Variants in VPS13B observed in about 807,000 individuals in gnomAD.
VPS13B encodes intermembrane lipid transfer protein VPS13B.
VPS13B carries 285 observed loss-of-function variants against 426.4 expected under a neutral mutation model. The ratio of observed to expected loss-of-function variants is 0.67; its 90% CI spans 0.61 to 0.74. The LOEUF (loss-of-function observed/expected upper bound fraction) is 0.74, where lower values mean the gene tolerates loss of function less well. VPS13B is among the 30% of genes least tolerant of loss of function. VPS13B has a pLI of 0.00. For synonymous variants in VPS13B, 1,676 were observed against 1,676.4 expected, an observed-to-expected ratio of 1.00 and a Z score of 0.01; for missense variants, 4,537 against 4,782.6, an observed-to-expected ratio of 0.95 and a Z score of 1.51.
At chr8:99,411,909 A>G (rs1302182442) in intron 21 of VPS13B, among the ~76,000 whole-genome samples, 5 of 152,054 alleles carry the variant, frequency 3.3e-5, no homozygotes, top group Non-Finnish European at 2.9e-5. Flanking sequence ...ATTGGTCTAT[A>G]TATCAGTTTT....
At chr8:99,616,855 G>A (rs945874591) in intron 33 of VPS13B, among the ~76,000 whole-genome samples, 2 of 152,110 alleles carry the variant, frequency 1.3e-5, no homozygotes, top group African/African-American at 2.4e-5. Context: ...AGAAAACTGG[G>A]AATAATAACT....
rs191127705 is a variant in VPS13B at position 99,799,908 on chromosome 8, G to A, written c.7942-9467G>A. ...ACTCCCAGAATATTTATTCAAATCC[G>A]AATGACTAACAGACAGCCTCTCCAA... On this transcript the variant is annotated intron_variant, in intron 43 of 61. Coordinates refer to ENST00000357162, the MANE Select transcript of VPS13B (RefSeq NM_152564.5). Among the ~76,000 whole-genome samples the A allele has an allele frequency of 1.3e-3, 194 of 152,190 alleles. 1 individual carries two copies. The highest frequency in any genetic ancestry group is 6.7e-3 in the Admixed American group (102 of 15,276).
At chr8:99,131,297 T>A (rs1224785298) in intron 8 of VPS13B, among the ~76,000 whole-genome samples, 2 of 152,208 alleles carry the variant, frequency 1.3e-5, no homozygotes, top group East Asian at 3.8e-4. Flanking sequence ...TTAATTGAAT[T>A]TCATGATATG....
intron 35 of VPS13B, among the ~76,000 whole-genome samples, chr8:99,673,116 TTTCATA>T (rs1830786397): frequency 6.6e-6 from 1 of 152,104 alleles, no homozygotes; most frequent in Non-Finnish European, 1.5e-5. Context: ...TTTGTCTGGT[TTTCATA>T]TCAGGCTAAT....
chr8:99,109,506 C>T (rs1176206361), intron 5 of VPS13B, among the ~76,000 whole-genome samples: 1 of 151,834 alleles, frequency 6.6e-6, no homozygotes, highest in African/African-American at 2.4e-5. Context: ...CCTCAGTCAC[C>T]TGAGTAGCTG....
intron 2 of VPS13B, among the ~76,000 whole-genome samples, chr8:99,029,169 C>G (rs1842358566): frequency 6.7e-6 from 1 of 149,392 alleles, no homozygotes; most frequent in Non-Finnish European, 1.5e-5. Flanking sequence ...CTCCCCACAT[C>G]TCAGACGATG....
chr8:99,397,063 G>A (rs577200479), intron 21 of VPS13B, among the ~76,000 whole-genome samples: 2 of 152,100 alleles, frequency 1.3e-5, no homozygotes, highest in South Asian at 2.1e-4. Context: ...ATAATAAAAG[G>A]CTTTAGATTA....
intron 43 of VPS13B, among the ~76,000 whole-genome samples, chr8:99,795,037 G>A (rs1213650906): frequency 6.6e-6 from 1 of 152,108 alleles, no homozygotes; most frequent in Non-Finnish European, 1.5e-5. Flanking sequence ...CTTGATTTTA[G>A]CATCATTTGC....
At chr8:99,855,445 C>G (rs976208815) in intron 56 of VPS13B, among the ~76,000 whole-genome samples, 4 of 152,114 alleles carry the variant, frequency 2.6e-5, no homozygotes, top group African/African-American at 7.2e-5. Flanking sequence ...ATCGGCATCA[C>G]AGTGTGTGTT....
At chr8:99,222,459 G>T (rs1250086683) in intron 17 of VPS13B, among the ~76,000 whole-genome samples, 1 of 152,128 alleles carries the variant, frequency 6.6e-6, no homozygotes, top group African/African-American at 2.4e-5. Flanking sequence ...TTGGTAATTG[G>T]TGGCTACTGT....
intron 31 of VPS13B, among the ~76,000 whole-genome samples, chr8:99,560,489 G>A (rs1010796708): frequency 3.9e-5 from 6 of 152,030 alleles, no homozygotes; most frequent in Admixed American, 3.3e-4. Context: ...AGAGATCATC[G>A]CCATCATGTT....
chr8:99,067,751 C>G (rs1262471799), intron 3 of VPS13B, among the ~76,000 whole-genome samples: 2 of 152,200 alleles, frequency 1.3e-5, no homozygotes, highest in East Asian at 1.9e-4. Context: ...TTAACCTTTA[C>G]TTCAATTCCT....
intron 39 of VPS13B, among the ~76,000 whole-genome samples, chr8:99,736,236 G>A (rs1588667051): frequency 6.6e-6 from 1 of 152,276 alleles, no homozygotes; most frequent in South Asian, 2.1e-4. Context: ...AGAGAGTTGA[G>A]TGCTAAGATT....
At chr8:99,186,421 T>A (rs528993444) in intron 16 of VPS13B, among the ~76,000 whole-genome samples, 3 of 152,098 alleles carry the variant, frequency 2.0e-5, no homozygotes, top group South Asian at 2.1e-4. Flanking sequence ...CTTTAAAAAA[T>A]TTTTTGAGGT....
Position 99,717,574 on chromosome 8 carries a change from GTT to G in VPS13B, c.6657+206_6657+207del, listed in dbSNP as rs778552937. Among the ~76,000 whole-genome samples, 4 of 152,148 alleles carry G rather than the reference GTT, an allele frequency of 2.6e-5. No homozygotes were observed. The East Asian group carries it at 5.8e-4, about 22-fold the overall frequency. On this transcript the variant is annotated intron_variant, in intron 37 of 61. Transcript: ENST00000357162. ...CCTATTTCAAGTATACAATTCAGTG[GTT>G]TTTTAGCATATTCAGAGTTGCACAA...
At position 99,871,575 on chromosome 8, in the gene VPS13B, G is replaced by A. The variant is rs765012695; in HGVS notation, c.11623G>A (p.Val3875Ile). ...ATCAGAAGTGCTCTTCGTGGTGAGTGTCAGTGAGGACACACAGCAGCAGGC... is the reference window on the plus strand; with the variant it reads ...ATCAGAAGTGCTCTTCGTGGTGAGTATCAGTGAGGACACACAGCAGCAGGC... ...LTSEVLFVVS[V>I]SEDTQQQAFP... The change falls in exon 61 of 62, where the codon GTC becomes ATC. Residue 3875 changes from valine to isoleucine, a missense_variant. Val to Ile is a conservative substitution (Grantham distance 29, BLOSUM62 3). Around this residue, in one of 2 missense-constraint regions of VPS13B, gnomAD observed 4,311 missense variants for 4,474.3 expected, o/e 0.96. Coordinates refer to ENST00000357162, the MANE Select transcript of VPS13B (RefSeq NM_152564.5). The A allele has an allele frequency of 2.4e-5, 38 of 1,614,104 alleles. No homozygotes were observed. Among genetic ancestry groups the A allele is most frequent in the East Asian group, 1.8e-4 (8 of 44,890 alleles).
chr8:99,828,729 C>T (rs1393464372), intron 51 of VPS13B, among the ~76,000 whole-genome samples: 1 of 152,052 alleles, frequency 6.6e-6, no homozygotes, highest in Non-Finnish European at 1.5e-5. Flanking sequence ...TTTGCAGTGA[C>T]TGGTACCAGT....
Position 99,192,934 on chromosome 8 carries a change from A to G in VPS13B, c.2392A>G (p.Ile798Val), listed in dbSNP as rs772246008. ...EGIFELPNLT[I>V]QATRAQTLLL... ...TATATTTGAACTTCCAAATCTCACA[A>G]TTCAAGCTACAAGAGCACAGACACT... Residue 798 changes from isoleucine to valine, a missense_variant, in exon 17 of 62, where the codon ATT (isoleucine) becomes GTT (valine). Physicochemically the swap from Ile to Val is conservative, Grantham distance 29. Transcript: ENST00000357162. The G allele has an allele frequency of 1.1e-5, 17 of 1,613,672 alleles. No individual in the cohort carries two copies. Among genetic ancestry groups the G allele is most frequent in the African/African-American group, 2.7e-5 (2 of 75,040 alleles).
rs770788256 is a variant in VPS13B at position 99,481,659 on chromosome 8, A to G, written c.3727A>G (p.Arg1243Gly). Residue 1243 changes from arginine to glycine, a missense_variant, in exon 25 of 62, where the codon AGA becomes GGA. Physicochemically the swap from Arg to Gly is moderately radical, Grantham distance 125 (BLOSUM62 -2). This residue lies in a region of VPS13B where 4,311 missense variants were observed against 4,474.3 expected (regional missense o/e 0.96). Transcript: ENST00000357162. ...TAAGGTCTGGAACAAGATTCAGAAG[A>G]GAGGCAATCTCAACCTATCTCCAAC... ...MNKVWNKIQKRGNLNLSPTSP... is the reference protein window; with the variant it reads ...MNKVWNKIQKGGNLNLSPTSP... 1.2e-6 allele frequency: 2 copies of G among 1,614,042 alleles called. No homozygotes were observed. The highest frequency in any genetic ancestry group is 1.3e-5 in the African/African-American group (1 of 75,046).
Sources: allele counts gnomAD v4.1 joint callset (sites outside exome capture counted in the v4.1 genomes callset), GRCh38; gene constraint gnomAD v4.1.1; regional missense constraint gnomAD v4.1.1; transcripts MANE v1.5; gene names NCBI Gene and HGNC (gene_info 2026-07-23, HGNC 2026-07-21).